Variants in CLVS1 observed in about 807,000 individuals in gnomAD.
CLVS1 encodes clavesin 1.
CLVS1 carries 10 observed loss-of-function variants against 33.1 expected under a neutral mutation model. The ratio of observed to expected loss-of-function variants is 0.30; its 90% CI spans 0.19 to 0.51. CLVS1 has a LOEUF of 0.51. Ranked by LOEUF, CLVS1 falls within the 20% of genes least tolerant of loss-of-function variation. The pLI is 0.97. For synonymous variants in CLVS1, 163 were observed against 166.1 expected (o/e 0.98, Z 0.14); for missense variants, 343 against 433.4 (o/e 0.79, Z 1.85).
chr8:61,438,599 G>C (rs369823407), intron 3 of CLVS1, among the ~76,000 whole-genome samples: 2 of 152,176 alleles, frequency 1.3e-5, no homozygotes, highest in South Asian at 2.1e-4. Context: ...TTGAGAAATC[G>C]CCACACTGTT....
intron 1 of CLVS1, among the ~76,000 whole-genome samples, chr8:61,098,275 T>C (rs1267561312): frequency 6.6e-6 from 1 of 152,014 alleles, no homozygotes; most frequent in African/African-American, 2.4e-5. Context: ...GTTGGGACAA[T>C]ACTCATCACC....
chr8:61,070,084 T>G (rs1585586681), intron 1 of CLVS1, among the ~76,000 whole-genome samples: 2 of 152,304 alleles, frequency 1.3e-5, no homozygotes, highest in Middle Eastern at 3.4e-3. Context: ...TGAGCCACAG[T>G]GCCTGGCCTC....
intron 2 of CLVS1, among the ~76,000 whole-genome samples, chr8:61,208,920 T>C (rs973960070): frequency 6.6e-6 from 1 of 152,076 alleles, no homozygotes; most frequent in Non-Finnish European, 1.5e-5. Flanking sequence ...TCCTCATAAA[T>C]CCTCTTGGAT....
At chr8:61,135,429 G>A (rs1351061182) in intron 2 of CLVS1, among the ~76,000 whole-genome samples, 1 of 152,202 alleles carries the variant, frequency 6.6e-6, no homozygotes, top group East Asian at 1.9e-4. Flanking sequence ...GCAATGAGGA[G>A]CCATGAGATT....
intron 2 of CLVS1, among the ~76,000 whole-genome samples, chr8:61,197,584 A>G (rs1455600289): frequency 6.6e-6 from 1 of 152,108 alleles, no homozygotes; most frequent in Non-Finnish European, 1.5e-5. Context: ...CAGTAGTGCT[A>G]TCTTGGCTCA....
intron 2 of CLVS1, among the ~76,000 whole-genome samples, chr8:61,242,615 C>A (rs1264658151): frequency 6.6e-6 from 1 of 151,960 alleles, no homozygotes; most frequent in South Asian, 2.1e-4. Flanking sequence ...CATGGCAAAA[C>A]CTCATCTCTA....
chr8:61,096,708 T>C (rs1805357538), intron 1 of CLVS1, among the ~76,000 whole-genome samples: 1 of 152,136 alleles, frequency 6.6e-6, no homozygotes, highest in Non-Finnish European at 1.5e-5. Flanking sequence ...CCTGGATCTG[T>C]GTTTTGGAAT....
At chr8:61,163,458 C>T (rs1216381258) in intron 2 of CLVS1, among the ~76,000 whole-genome samples, 2 of 152,148 alleles carry the variant, frequency 1.3e-5, no homozygotes, top group Non-Finnish European at 1.5e-5. Flanking sequence ...CTTAGAAAGA[C>T]TCTATATGTA....
chr8:61,036,619 G>A, the CLVS1 span, among the ~76,000 whole-genome samples: 1 of 152,120 alleles, frequency 6.6e-6, no homozygotes, highest in African/African-American at 2.4e-5. Context: ...CAGAGAACTG[G>A]TAGAGTTTAT....
chr8:61,096,622 C>T (rs1192823675), intron 1 of CLVS1, among the ~76,000 whole-genome samples: 1 of 152,144 alleles, frequency 6.6e-6, no homozygotes, highest in African/African-American at 2.4e-5. Flanking sequence ...GCAAACACTT[C>T]AGACTTCTAT....
At chr8:61,079,021 C>G (rs539195656) in intron 1 of CLVS1, among the ~76,000 whole-genome samples, 4 of 152,104 alleles carry the variant, frequency 2.6e-5, no homozygotes, top group South Asian at 2.1e-4. Flanking sequence ...AATTTAAGAT[C>G]AAAAACACGC....
At chr8:61,376,947 A>G (rs1370970138) in intron 3 of CLVS1, 168 bp downstream of exon 3, 2 of 539,798 alleles carry the variant, frequency 3.7e-6, no homozygotes, top group Admixed American at 7.0e-5. Context: ...GATGCTTTTT[A>G]AAATTAACTT....
At chr8:61,077,351 G>A (rs1403762546) in intron 1 of CLVS1, among the ~76,000 whole-genome samples, 1 of 151,842 alleles carries the variant, frequency 6.6e-6, no homozygotes, top group African/African-American at 2.4e-5. Flanking sequence ...GATTACAGGC[G>A]TGAGCCACTG....
At chr8:61,232,433 T>C (rs10103335) in intron 2 of CLVS1, among the ~76,000 whole-genome samples, 44,776 of 151,906 alleles carry the variant, frequency 0.29, 11,048 homozygotes, top group East Asian at 0.69. Context: ...AGGCCACGTT[T>C]GGGACTTTTG....
intron 2 of CLVS1, among the ~76,000 whole-genome samples, chr8:61,323,978 C>CT (rs1198824238): frequency 1.3e-5 from 2 of 152,156 alleles, no homozygotes; most frequent in Non-Finnish European, 2.9e-5. Flanking sequence ...TGATCTCATT[C>CT]TTTTTTGTGG....
At chr8:61,211,954 T>C (rs1003568593) in intron 2 of CLVS1, among the ~76,000 whole-genome samples, 3 of 152,322 alleles carry the variant, frequency 2.0e-5, no homozygotes, top group East Asian at 3.9e-4. Context: ...GCAGGTGGCC[T>C]CTGGAAGCTG....
chr8:60,972,593 A>G, the CLVS1 span, among the ~76,000 whole-genome samples: 2 of 152,132 alleles, frequency 1.3e-5, no homozygotes, highest in African/African-American at 4.8e-5. Context: ...TTGTAGACCT[A>G]AGGTTGGCCT....
intron 2 of CLVS1, among the ~76,000 whole-genome samples, chr8:61,316,097 A>G (rs1174862915): frequency 2.0e-5 from 3 of 152,176 alleles, no homozygotes; most frequent in Non-Finnish European, 2.9e-5. Flanking sequence ...TATGGTGTAT[A>G]TGTGTCACGT....
chr8:61,488,471 T>A (rs959774483), intron 5 of CLVS1, among the ~76,000 whole-genome samples: 8 of 152,326 alleles, frequency 5.3e-5, no homozygotes, highest in Middle Eastern at 3.4e-3. Flanking sequence ...CCATATCTAT[T>A]TTCTCAGTCT....
Sources: allele counts gnomAD v4.1 joint callset (sites outside exome capture counted in the v4.1 genomes callset), GRCh38; gene constraint gnomAD v4.1.1; transcripts MANE v1.5; gene names NCBI Gene and HGNC (gene_info 2026-07-23, HGNC 2026-07-21).